GBE1: variants seen among roughly 807,000 people sequenced by gnomAD.
GBE1 encodes 1,4-alpha-glucan-branching enzyme.
Under a neutral mutation model 88.8 loss-of-function variants are expected in GBE1, and 70 were observed. The ratio of observed to expected loss-of-function variants is 0.79; its 90% CI spans 0.65 to 0.96. The LOEUF (loss-of-function observed/expected upper bound fraction) is 0.96, where lower values mean the gene tolerates loss of function less well. GBE1 is among the 40% of genes least tolerant of loss of function. The probability of loss-of-function intolerance (pLI) is 0.00; values close to 1 mark genes in which losing one functional copy is unlikely to be tolerated. For synonymous variants in GBE1, 284 were observed against 300.1 expected (o/e 0.95, Z 0.56); for missense variants, 872 against 871.0 (o/e 1.00, Z -0.01).
intron 2 of GBE1, among the ~76,000 whole-genome samples, chr3:81,681,769 A>C (rs1277661464): frequency 1.3e-5 from 2 of 152,222 alleles, no homozygotes; most frequent in African/African-American, 4.8e-5. Flanking sequence ...CCACATAAAA[A>C]AAGAATAAAT....
intron 1 of GBE1, among the ~76,000 whole-genome samples, chr3:81,729,679 T>C (rs1016222219): frequency 6.6e-6 from 1 of 152,082 alleles, no homozygotes; most frequent in African/African-American, 2.4e-5. Flanking sequence ...CTCTTAGACA[T>C]CAGATGAACA....
intron 2 of GBE1, among the ~76,000 whole-genome samples, chr3:81,679,014 T>G (rs1705301419): frequency 6.6e-6 from 1 of 152,054 alleles, no homozygotes; most frequent in East Asian, 1.9e-4. Flanking sequence ...TTGGTTTAAA[T>G]TATGAAAAGC....
intron 1 of GBE1, among the ~76,000 whole-genome samples, chr3:81,710,812 G>A (rs773808830): frequency 1.3e-5 from 2 of 152,044 alleles, no homozygotes; most frequent in African/African-American, 4.8e-5. Flanking sequence ...GCAACATTAC[G>A]ATTTTTCCCA....
intron 1 of GBE1, among the ~76,000 whole-genome samples, chr3:81,727,180 C>A (rs774950673): frequency 6.6e-6 from 1 of 152,168 alleles, no homozygotes; most frequent in Non-Finnish European, 1.5e-5. Flanking sequence ...AATTCCTGGG[C>A]AAAATTCTCT....
At chr3:81,644,567 A>G (rs898048992) in intron 6 of GBE1, among the ~76,000 whole-genome samples, 1 of 152,190 alleles carries the variant, frequency 6.6e-6, no homozygotes, top group Non-Finnish European at 1.5e-5. Context: ...GGCCTTGGGA[A>G]CCAGTGTGAG....
At chr3:81,628,525 T>A (rs1027989814) in intron 7 of GBE1, among the ~76,000 whole-genome samples, 1 of 151,912 alleles carries the variant, frequency 6.6e-6, no homozygotes, top group African/African-American at 2.4e-5. Context: ...TTAGGCAAAA[T>A]GCCAAAGAGC....
intron 1 of GBE1, among the ~76,000 whole-genome samples, chr3:81,716,705 A>G (rs1705942292): frequency 6.6e-6 from 1 of 152,252 alleles, no homozygotes; most frequent in South Asian, 2.1e-4. Flanking sequence ...TAATGTAAAC[A>G]TATTTTGACT....
At chr3:81,694,031 G>A (rs2107148346) in intron 2 of GBE1, among the ~76,000 whole-genome samples, 1 of 152,274 alleles carries the variant, frequency 6.6e-6, no homozygotes, top group African/African-American at 2.4e-5. Context: ...TGTGAATTAA[G>A]AAATAAAGTA....
intron 12 of GBE1, among the ~76,000 whole-genome samples, chr3:81,547,349 T>A (rs1040481408): frequency 6.6e-6 from 1 of 151,572 alleles, no homozygotes; most frequent in Non-Finnish European, 1.5e-5. Flanking sequence ...CTATGGGATG[T>A]TAACTGCTAT....
Position 81,642,895 on chromosome 3 carries a change from G to A in GBE1, c.878C>T (p.Ser293Leu), listed in dbSNP as rs1230313319. 1.2e-6 allele frequency: 2 copies of A among 1,612,876 alleles called. No individual in the cohort carries two copies. The highest frequency in any genetic ancestry group is 3.3e-5 in the Admixed American group (2 of 59,960). The stretch of plus-strand genomic sequence containing the variant: ...ATTCAATCCATCTGCTGAATTTTTT[G>A]AAGCATGGCTGTGTACCACATCTAA... ...VLLDVVHSHA[S>L]KNSADGLNMF... The change falls in exon 7 of 16, where the codon TCA (serine) becomes TTA (leucine). Residue 293 changes from serine (S) to leucine (L), a missense_variant. By Grantham distance (145) the Ser-to-Leu change is moderately radical (BLOSUM62 -2). Coordinates refer to ENST00000429644, the MANE Select transcript of GBE1 (RefSeq NM_000158.4).
chr3:81,492,611 T>A (rs145376121), intron 15 of GBE1, among the ~76,000 whole-genome samples: 93 of 152,184 alleles, frequency 6.1e-4, no homozygotes, highest in African/African-American at 2.2e-3. Flanking sequence ...ACATCTTTCT[T>A]TCTTTCTTTC....
chr3:81,496,333 T>C (rs1702499750), intron 15 of GBE1, among the ~76,000 whole-genome samples: 1 of 152,240 alleles, frequency 6.6e-6, no homozygotes, highest in African/African-American at 2.4e-5. Flanking sequence ...GCTAGAACGG[T>C]ACCTGCTGAT....
chr3:81,509,935 G>T (rs1354003132), intron 14 of GBE1, among the ~76,000 whole-genome samples: 2 of 151,834 alleles, frequency 1.3e-5, no homozygotes, highest in African/African-American at 4.8e-5. Context: ...TATAATAAAT[G>T]CATGTTAGTT....
rs146435886 is a variant in GBE1, at chr3:81,755,499, T to C, written c.143+5876A>G. Among the ~76,000 whole-genome samples the C allele has an allele frequency of 4.1e-3, 621 of 152,340 alleles. 9 individuals are homozygous for C. Among genetic ancestry groups the C allele is most frequent in the Middle Eastern group, 0.014 (4 of 294 alleles). ...ATATCCAAAAGAAATAAAATCAGTA[T>C]GTTGAAAAGATATCTGCACTCCCAT... On this transcript the variant is annotated intron_variant, in intron 1 of 15. Transcript: ENST00000429644.
At chr3:81,640,854 A>G (rs983611176) in intron 7 of GBE1, among the ~76,000 whole-genome samples, 4 of 152,100 alleles carry the variant, frequency 2.6e-5, no homozygotes, top group Non-Finnish European at 5.9e-5. Context: ...AATAAAAAAT[A>G]AATTAAGCTA....
intron 1 of GBE1, among the ~76,000 whole-genome samples, chr3:81,713,410 T>A (rs918664413): frequency 6.6e-6 from 1 of 152,074 alleles, no homozygotes; most frequent in Admixed American, 6.6e-5. Context: ...CCAATTGGGA[T>A]GAAAAAGATT....
intron 1 of GBE1, among the ~76,000 whole-genome samples, chr3:81,730,675 T>C (rs181595239): frequency 6.6e-6 from 1 of 152,254 alleles, no homozygotes; most frequent in Non-Finnish European, 1.5e-5. Context: ...GAAAGCCTTC[T>C]AGTTTCAGTA....
chr3:81,556,592 A>T (rs1703351768), intron 12 of GBE1, among the ~76,000 whole-genome samples: 1 of 152,146 alleles, frequency 6.6e-6, no homozygotes, highest in South Asian at 2.1e-4. Context: ...ACTATCCAGG[A>T]ATATATACAT....
chr3:81,682,314 T>A (rs953006818), intron 2 of GBE1, among the ~76,000 whole-genome samples: 1 of 151,704 alleles, frequency 6.6e-6, no homozygotes, highest in Admixed American at 6.6e-5. Flanking sequence ...AATAACAAAT[T>A]AGCTGGGCAT....
Sources: gnomAD v4.1 joint callset for allele counts (sites outside exome capture counted in the v4.1 genomes callset) on GRCh38, gnomAD v4.1.1 for gene constraint, MANE v1.5 for transcripts, NCBI Gene and HGNC (gene_info 2026-07-23, HGNC 2026-07-21) for gene names.